Variants in PGM2 observed in about 807,000 individuals in gnomAD.
PGM2 encodes phosphoglucomutase 2.
A neutral mutation model predicts 74.6 loss-of-function variants in PGM2; 57 were observed. The ratio of observed to expected loss-of-function variants is 0.76; its 90% CI spans 0.62 to 0.95. PGM2 has a LOEUF of 0.95. PGM2 is among the 40% of genes least tolerant of loss of function. The pLI is 0.00. For synonymous variants in PGM2, 273 were observed against 260.7 expected (o/e 1.05, Z -0.46); for missense variants, 706 against 741.9 (o/e 0.95, Z 0.56).
chr4:37,834,111 G>T (rs990262373), intron 2 of PGM2, among the ~76,000 whole-genome samples: 2 of 152,080 alleles, frequency 1.3e-5, no homozygotes, highest in Non-Finnish European at 2.9e-5. Flanking sequence ...AAGACAGGAG[G>T]ATTATTTGAC....
At chr4:37,854,499 C>T (rs942779603) in intron 12 of PGM2, among the ~76,000 whole-genome samples, 3 of 151,978 alleles carry the variant, frequency 2.0e-5, no homozygotes, top group African/African-American at 4.8e-5. Context: ...TACAGGCACC[C>T]GCCACCATGC....
Position 37,850,298 on chromosome 4 carries a change from T to G in PGM2, c.1527T>G (p.Ala509=), listed in dbSNP as rs375895681. 8.7e-5 allele frequency: 138 copies of G among 1,591,634 alleles called. No individual in the cohort carries two copies. The highest frequency in any genetic ancestry group is 1.4e-5 in the African/African-American group (1 of 73,068). Residue 509 remains alanine, a synonymous_variant, in exon 12 of 14, where the codon GCT becomes GCG. Coordinates refer to ENST00000381967, the MANE Select transcript of PGM2 (RefSeq NM_018290.4). ...NYDGKNNYPK[A]CGKFEISAIR... is the part of the protein sequence containing the mutation. ...ATGGAAAAAATAATTATCCAAAAGC[T>G]TGTGGCAAATTTGAAATTTCTGCCA...
intron 1 of PGM2, 93 bp from the exon 2 acceptor site, chr4:37,829,871 T>C: frequency 4.4e-6 from 2 of 450,242 alleles, no homozygotes; most frequent in South Asian, 1.0e-4. Flanking sequence ...CATATATATA[T>C]ATTTTCTATA....
At chr4:37,840,964 G>GTGTATA (rs1223965990) in intron 6 of PGM2, among the ~76,000 whole-genome samples, 1 of 139,946 alleles carries the variant, frequency 7.1e-6, no homozygotes, top group South Asian at 2.2e-4. Context: ...GTGTGTGTGT[G>GTGTATA]TATATATATA....
intron 4 of PGM2, 122 bp from the exon 5 acceptor site, chr4:37,839,726 A>G (rs1012988095): frequency 2.1e-5 from 15 of 700,996 alleles, no homozygotes; most frequent in Non-Finnish European, 3.1e-5. Context: ...ATATTATGCT[A>G]TTTATATATT....
Position 37,839,947 on chromosome 4 carries a change from T to C in PGM2, c.525+16T>C. On this transcript the variant is annotated intron_variant, in intron 5 of 13. Coordinates refer to ENST00000381967, the MANE Select transcript of PGM2 (RefSeq NM_018290.4). ...TGGTTATAAGGTATTTTCCTTTTTC[T>C]ACTCCACACGTACATCCTTCTGTAG... The C allele has an allele frequency of 6.5e-7, 1 of 1,527,944 alleles. No individual in the cohort carries two copies. The highest frequency in any genetic ancestry group is 9.1e-7 in the Non-Finnish European group (1 of 1,102,032). The allele number at this position is 1,527,944 out of a possible 1,614,324, so 94.6% of individuals were successfully genotyped here.
chr4:37,851,137 T>C (rs1726029859), intron 12 of PGM2, among the ~76,000 whole-genome samples: 1 of 152,162 alleles, frequency 6.6e-6, no homozygotes, highest in South Asian at 2.1e-4. Context: ...GGGTTTTCTA[T>C]CTCAGGATCC....
At chr4:37,856,121 T>C (rs979742278) in intron 13 of PGM2, among the ~76,000 whole-genome samples, 6 of 152,038 alleles carry the variant, frequency 3.9e-5, no homozygotes, top group Non-Finnish European at 8.8e-5. Flanking sequence ...TGCGGTGGCT[T>C]ACACCTGTAA....
rs1227087183 is a variant in PGM2 at position 37,829,955 on chromosome 4, G to A, written c.82-9G>A. ...TGTCTGGCTGTGTCTATACATTTTT[G>A]TTTTTCAGAATTCCTTAACTTTGGA... On this transcript the variant is annotated splice_polypyrimidine_tract_variant and intron_variant, in intron 1 of 13. Coordinates refer to ENST00000381967, the MANE Select transcript of PGM2 (RefSeq NM_018290.4). The A allele has an allele frequency of 1.3e-6, 2 of 1,564,334 alleles. No individual in the cohort carries two copies. The highest frequency in any genetic ancestry group is 2.0e-5 in the Admixed American group (1 of 50,314).
chr4:37,826,727 T>C lies in PGM2; in HGVS notation c.-6T>C. 5.2e-6 allele frequency: 8 copies of C among 1,549,226 alleles called. No homozygotes were observed. The highest frequency in any genetic ancestry group is 7.0e-6 in the Non-Finnish European group (8 of 1,145,598). ...TTCCCTCTGCAGCGGTAGCACAAGCTCAGCGATGGCGGCTCCAGAAGGCAG... is the reference window on the plus strand; with the variant it reads ...TTCCCTCTGCAGCGGTAGCACAAGCCCAGCGATGGCGGCTCCAGAAGGCAG... On this transcript the variant is annotated 5_prime_UTR_variant, in exon 1 of 14. Transcript: ENST00000381967.
chr4:37,846,040 A>T lies in PGM2; in HGVS notation c.1007+310A>T, dbSNP rs115577341. Among the ~76,000 whole-genome samples the T allele has an allele frequency of 5.1e-3, 774 of 152,266 alleles. 9 individuals are homozygous for T. Among genetic ancestry groups the T allele is most frequent in the African/African-American group, 0.018 (736 of 41,540 alleles). ...TTTTATAAGTAATGTCTCAGTGTCTAATGAGGGTAAAGCACTTTGGTGCTA... is the reference window on the plus strand; with the variant it reads ...TTTTATAAGTAATGTCTCAGTGTCTTATGAGGGTAAAGCACTTTGGTGCTA... On this transcript the variant is annotated intron_variant, in intron 8 of 13. Transcript: ENST00000381967.
Position 37,845,623 on chromosome 4 carries a change from T to A in PGM2, c.910-10T>A, listed in dbSNP as rs754202891. On this transcript the variant is annotated splice_polypyrimidine_tract_variant and intron_variant, in intron 7 of 13. Transcript: ENST00000381967. ...ATTAAATAATCTTTTATTTTCATATTCTTCTTCAGACTTTGTCTTTTGCTT... is the reference window on the plus strand; with the variant it reads ...ATTAAATAATCTTTTATTTTCATATACTTCTTCAGACTTTGTCTTTTGCTT... 4 of 1,566,546 alleles carry A rather than the reference T, an allele frequency of 2.6e-6. No homozygotes were observed. Among genetic ancestry groups the A allele is most frequent in the Non-Finnish European group, 3.5e-6 (4 of 1,136,772 alleles).
At chr4:37,839,578 T>C (rs1284963376) in intron 4 of PGM2, 2 of 581,484 alleles carry the variant, frequency 3.4e-6, no homozygotes, top group African/African-American at 3.7e-5. Context: ...AAGAATTTTC[T>C]AGCTCTACCA....
intron 3 of PGM2, 47 bp from the exon 4 acceptor site, chr4:37,837,466 TCCATCACTCACAGTCC>T (rs1725597527): frequency 1.1e-6 from 1 of 926,012 alleles, no homozygotes; most frequent in African/African-American, 1.6e-5. Flanking sequence ...TTTCCTTCTT[TCCATCACTCACAGTCC>T]TGATCACTCA....
In PGM2 at chr4:37,836,412, A is replaced by G. The variant is rs1327375682; in HGVS notation, c.357-1117A>G. Among the ~76,000 whole-genome samples the G allele has an allele frequency of 2.6e-5, 4 of 152,226 alleles. No individual in the cohort carries two copies. In the East Asian group the frequency reaches 7.7e-4, roughly 29 times the overall value. ...TTCGTAAGGAGTTGGAAACTATTGC[A>G]GTTTCTGAATTTCGCCCGAGGAGAT... On this transcript the variant is annotated intron_variant, in intron 3 of 13. Transcript: ENST00000381967.
chr4:37,847,535 A>C, intron 10 of PGM2: 1 of 453,450 alleles, frequency 2.2e-6, no homozygotes, highest in Non-Finnish European at 4.0e-6. Flanking sequence ...CAAAACAGTG[A>C]CATTGTATGC....
intron 2 of PGM2, among the ~76,000 whole-genome samples, chr4:37,833,875 G>A (rs2152174952): frequency 6.6e-6 from 1 of 151,800 alleles, no homozygotes; most frequent in East Asian, 1.9e-4. Flanking sequence ...TTGCTTGTAG[G>A]TGGCAGCGTG....
At chr4:37,859,918 A>T (rs1021754683) in intron 13 of PGM2, among the ~76,000 whole-genome samples, 2 of 152,200 alleles carry the variant, frequency 1.3e-5, no homozygotes, top group African/African-American at 4.8e-5. Context: ...ATTTTTAAAG[A>T]TGTTATGAAA....
At chr4:37,840,304 T>G in intron 6 of PGM2, 45 bp downstream of exon 6, 1 of 1,122,706 alleles carries the variant, frequency 8.9e-7, no homozygotes, top group Non-Finnish European at 1.3e-6. Flanking sequence ...GTTAATGTGA[T>G]TCAGCCAAAT....
Sources: gnomAD v4.1 joint callset for allele counts (sites outside exome capture counted in the v4.1 genomes callset) on GRCh38, gnomAD v4.1.1 for gene constraint, MANE v1.5 for transcripts, NCBI Gene and HGNC (gene_info 2026-07-23, HGNC 2026-07-21) for gene names.